The following PADI4 variants were observed in gnomAD, a reference collection of about 807,000 sequenced individuals.
PADI4 encodes protein-arginine deiminase type-4.
PADI4 carries 62 observed loss-of-function variants against 75.0 expected under a neutral mutation model. That is an observed-to-expected ratio of 0.83 (90% CI 0.67 to 1.02). The LOEUF is 1.02. Ranked by LOEUF, PADI4 falls within the 50% of genes least tolerant of loss-of-function variation. The probability of loss-of-function intolerance (pLI) is 0.00; values close to 1 mark genes in which losing one functional copy is unlikely to be tolerated. For missense variants in PADI4, 845 were observed against 850.5 expected (o/e 0.99, Z 0.08); for synonymous variants, 361 against 348.1 (o/e 1.04, Z -0.41).
At chr1:17,334,039 G>A (rs540369407) in intron 3 of PADI4, 30 bp downstream of exon 3, 44 of 1,420,136 alleles carry the variant, frequency 3.1e-5, no homozygotes, top group African/African-American at 1.3e-4. Flanking sequence ...CTAGAGTGCC[G>A]TCTCATCCCC....
In PADI4 at chr1:17,356,528, A is replaced by G. The variant is rs549863962; in HGVS notation, c.1558+69A>G. On this transcript the variant is annotated intron_variant, in intron 13 of 15. Transcript: ENST00000375448. This position sits in a 1 kb window ranked among gnomAD's most constrained non-coding sequence, Gnocchi z 4.1. Reference sequence around the variant, plus strand: ...CTTCCCATAGTCCGCTGTTGCCTGGAGGGAATCATCCAGGCAATAGGGTAG... The same window carrying G: ...CTTCCCATAGTCCGCTGTTGCCTGGGGGGAATCATCCAGGCAATAGGGTAG... 6 of 941,352 alleles carry G rather than the reference A, an allele frequency of 6.4e-6. No individual in the cohort carries two copies. The Admixed American group carries it at 1.0e-4, about 16-fold the overall frequency. The allele number at this position is 941,352 out of a possible 1,614,324, so 58.3% of individuals were successfully genotyped here. A position where few individuals can be genotyped will look rare whatever the true frequency, so the allele number is the denominator to read the frequency against.
rs375178256 is a variant in PADI4, at chr1:17,349,973, C to T, written c.1155+1925C>T. On this transcript the variant is annotated intron_variant, in intron 10 of 15. Coordinates refer to ENST00000375448, the MANE Select transcript of PADI4 (RefSeq NM_012387.3). ...TGCTTGCAGTGCTGTTCCCTGTTCA[C>T]GGGGCTGGCTGCTTCTCAGCCTTCA... Among the ~76,000 whole-genome samples the T allele has an allele frequency of 5.8e-4, 72 of 123,770 alleles. 9 individuals carry two copies. Among genetic ancestry groups the T allele is most frequent in the African/African-American group, 1.5e-3 (57 of 39,156 alleles). 81.2% of individuals were successfully genotyped at this position (123,770 alleles called of 152,430 possible).
rs1030284126 is a variant in PADI4 at position 17,359,373 on chromosome 1, G to A, written c.1723G>A (p.Glu575Lys). 6.2e-7 allele frequency: 1 copy of A among 1,614,052 alleles called. No homozygotes were observed. The highest frequency in any genetic ancestry group is 8.5e-7 in the Non-Finnish European group (1 of 1,180,028). The change falls in exon 15 of 16, where the codon GAG becomes AAG. Residue 575 changes from glutamate to lysine, a missense_variant. Transcript: ENST00000375448. Reference sequence around the variant, plus strand: ...CATCCCGCAGCTCTTCAAGCTCAAAGAGTTCTCTAAGGCGGAAGCTTTTTT... The same window carrying A: ...CATCCCGCAGCTCTTCAAGCTCAAAAAGTTCTCTAAGGCGGAAGCTTTTTT... ...IDIPQLFKLK[E>K]FSKAEAFFPN...
At chr1:17,350,040 T>C (rs2074592693) in intron 10 of PADI4, among the ~76,000 whole-genome samples, 1 of 125,962 alleles carries the variant, frequency 7.9e-6, no homozygotes, top group Non-Finnish European at 1.8e-5. Context: ...CCTTCCCTGA[T>C]GCTAAAAGAG....
At chr1:17,359,249 C>T (rs907969941) in intron 14 of PADI4, 31 bp from the exon 15 acceptor site, 2 of 1,424,838 alleles carry the variant, frequency 1.4e-6, no homozygotes, top group East Asian at 4.6e-5. Flanking sequence ...GCCATCAGTC[C>T]CCCACTCACT....
chr1:17,310,803 A>G (rs1273662868), intron 1 of PADI4, among the ~76,000 whole-genome samples: 1 of 152,154 alleles, frequency 6.6e-6, no homozygotes, highest in African/African-American at 2.4e-5. Flanking sequence ...TCTACTAAAA[A>G]TACAAAAAAA....
At chr1:17,324,933 A>T (rs2074094794) in intron 1 of PADI4, among the ~76,000 whole-genome samples, 1 of 152,248 alleles carries the variant, frequency 6.6e-6, no homozygotes, top group Non-Finnish European at 1.5e-5. Flanking sequence ...TCTGTCATAG[A>T]TCAAGTTGTA....
intron 1 of PADI4, among the ~76,000 whole-genome samples, chr1:17,318,947 C>CA (rs1480964358): frequency 1.3e-5 from 2 of 152,138 alleles, no homozygotes; most frequent in African/African-American, 4.8e-5. Flanking sequence ...CTCGGCCTCC[C>CA]AAAGTGCTGG....
intron 15 of PADI4, 66 bp downstream of exon 15, chr1:17,359,474 T>A: frequency 6.2e-7 from 1 of 1,606,222 alleles, no homozygotes; most frequent in Non-Finnish European, 8.5e-7. Context: ...GAGAGGCCAG[T>A]GGGGCACCCG....
At chr1:17,329,129 A>G (rs192235661) in intron 1 of PADI4, among the ~76,000 whole-genome samples, 1 of 150,180 alleles carries the variant, frequency 6.7e-6, no homozygotes, top group East Asian at 1.9e-4. Context: ...GTACGAGTGC[A>G]CGATTCTAGG....
intron 6 of PADI4, among the ~76,000 whole-genome samples, chr1:17,340,048 G>GTGCACA (rs1557562359): frequency 5.8e-5 from 5 of 86,242 alleles, no homozygotes; most frequent in Non-Finnish European, 1.0e-4. Context: ...TCACACACGC[G>GTGCACA]CGCGCACACA....
intron 1 of PADI4, among the ~76,000 whole-genome samples, chr1:17,311,000 G>C (rs1436098271): frequency 6.6e-6 from 1 of 151,976 alleles, no homozygotes; most frequent in East Asian, 1.9e-4. Context: ...GGGAGGCTGA[G>C]GCAGGAGAAT....
intron 8 of PADI4, among the ~76,000 whole-genome samples, chr1:17,345,499 A>C (rs1307317622): frequency 2.0e-5 from 3 of 152,090 alleles, no homozygotes; most frequent in Non-Finnish European, 2.9e-5. Flanking sequence ...TCCCCACCCA[A>C]ATCTCATCTT....
At chr1:17,310,897 G>A (rs1569965868) in intron 1 of PADI4, among the ~76,000 whole-genome samples, 1 of 152,146 alleles carries the variant, frequency 6.6e-6, no homozygotes, top group Non-Finnish European at 1.5e-5. Flanking sequence ...AGGAGATCGA[G>A]ACCATCCTGG....
intron 1 of PADI4, among the ~76,000 whole-genome samples, chr1:17,330,405 G>A (rs907036773): frequency 6.6e-6 from 1 of 152,124 alleles, no homozygotes; most frequent in African/African-American, 2.4e-5. Context: ...GGGAGAACTG[G>A]CTCACACGAT....
intron 1 of PADI4, among the ~76,000 whole-genome samples, chr1:17,308,889 C>A (rs1240035845): frequency 6.6e-6 from 1 of 152,110 alleles, no homozygotes; most frequent in Non-Finnish European, 1.5e-5. Context: ...ATACTCACAT[C>A]ATGGGCTGGT....
intron 1 of PADI4, among the ~76,000 whole-genome samples, chr1:17,322,682 C>T (rs1222094719): frequency 6.6e-6 from 1 of 152,072 alleles, no homozygotes; most frequent in African/African-American, 2.4e-5. Context: ...GACCCAGTTC[C>T]CAGGACTCTT....
intron 1 of PADI4, among the ~76,000 whole-genome samples, chr1:17,315,704 G>A (rs757875931): frequency 6.6e-6 from 1 of 151,944 alleles, no homozygotes; most frequent in African/African-American, 2.4e-5. Context: ...AGAGAGAAGG[G>A]GAGGAGCAAG....
intron 15 of PADI4, among the ~76,000 whole-genome samples, chr1:17,360,917 G>A (rs185290954): frequency 5.4e-5 from 8 of 147,504 alleles, no homozygotes; most frequent in Non-Finnish European, 8.9e-5. Flanking sequence ...AGCGTTCACC[G>A]TGGCCCCTAA....
Sources: allele counts gnomAD v4.1 joint callset (sites outside exome capture counted in the v4.1 genomes callset), GRCh38; gene constraint gnomAD v4.1.1; non-coding constraint Gnocchi (gnomAD v3.1); transcripts MANE v1.5; gene names NCBI Gene and HGNC (gene_info 2026-07-23, HGNC 2026-07-21).